Variants in DRC10 observed in about 807,000 individuals in gnomAD.
DRC10 encodes the protein dynein regulatory complex subunit 10.
the DRC10 span, chr12:113,200,805 C>T: frequency 6.5e-7 from 1 of 1,530,104 alleles, no homozygotes. Flanking sequence ...CAAAGTTCTC[C>T]TTTTCCACCT....
chr12:113,219,845 A>G, the DRC10 span, among the ~76,000 whole-genome samples: 15 of 151,718 alleles, frequency 9.9e-5, no homozygotes, highest in East Asian at 3.9e-4. Context: ...GTCTCGCTCT[A>G]TCACCCAGAC....
chr12:113,207,954 A>G, the DRC10 span: 6 of 1,614,198 alleles, frequency 3.7e-6, no homozygotes, highest in South Asian at 6.6e-5. Flanking sequence ...TGGATGCCAC[A>G]TACGACAGCA....
the DRC10 span, among the ~76,000 whole-genome samples, chr12:113,197,022 G>A: frequency 6.6e-6 from 1 of 152,192 alleles, no homozygotes; most frequent in African/African-American, 2.4e-5. Context: ...CTGGCTGAGT[G>A]ACTGAGTGAT....
chr12:113,215,778 G>C, the DRC10 span, among the ~76,000 whole-genome samples: 1 of 152,184 alleles, frequency 6.6e-6, no homozygotes, highest in South Asian at 2.1e-4. Context: ...AGTGAATTTA[G>C]ATTATTCTAT....
At chr12:113,203,225 G>A in the DRC10 span, 8 of 332,730 alleles carry the variant, frequency 2.4e-5, no homozygotes, top group Non-Finnish European at 4.2e-5. Flanking sequence ...GGGTTTTGCC[G>A]TGTTGCCCAG....
the DRC10 span, chr12:113,205,979 G>C: frequency 6.6e-6 from 1 of 151,704 alleles, no homozygotes; most frequent in Non-Finnish European, 1.5e-5. Flanking sequence ...CACTTTGGGG[G>C]GCAGAGGTGG....
chr12:113,200,415 C>T, the DRC10 span: 2 of 720,872 alleles, frequency 2.8e-6, no homozygotes, highest in African/African-American at 3.5e-5. Context: ...TGGATTTGGG[C>T]CTTCCCTGCT....
chr12:113,205,845 C>A, the DRC10 span, among the ~76,000 whole-genome samples: 1 of 142,692 alleles, frequency 7.0e-6, no homozygotes, highest in Non-Finnish European at 1.5e-5. Flanking sequence ...GCCGAGATTG[C>A]GCCACTGCAG....
the DRC10 span, among the ~76,000 whole-genome samples, chr12:113,217,946 C>T: frequency 2.0e-5 from 3 of 152,224 alleles, no homozygotes; most frequent in African/African-American, 7.2e-5. Flanking sequence ...GGCAACTTTG[C>T]CCTCCAGAAG....
At chr12:113,197,193 T>C in the DRC10 span, among the ~76,000 whole-genome samples, 10 of 135,860 alleles carry the variant, frequency 7.4e-5, no homozygotes, top group Non-Finnish European at 1.4e-4. Flanking sequence ...CCAGTCGCTT[T>C]TTTTTTTTTT....
the DRC10 span, among the ~76,000 whole-genome samples, chr12:113,219,405 C>A: frequency 5.9e-5 from 9 of 152,188 alleles, no homozygotes; most frequent in African/African-American, 2.2e-4. Context: ...TTCTGCTGTA[C>A]CTACCGGCAA....
chr12:113,208,314 G>A, the DRC10 span: 1 of 1,432,566 alleles, frequency 7.0e-7, no homozygotes, highest in South Asian at 1.5e-5. Context: ...TGTGTGGTTA[G>A]TGTGGCTGCA....
At chr12:113,209,988 T>G in the DRC10 span, among the ~76,000 whole-genome samples, 1 of 152,138 alleles carries the variant, frequency 6.6e-6, no homozygotes, top group African/African-American at 2.4e-5. Flanking sequence ...ATGCCAGGCA[T>G]GGTGGTACGC....
chr12:113,196,011 G>C, the DRC10 span: 183 of 1,391,322 alleles, frequency 1.3e-4, no homozygotes, highest in Non-Finnish European at 1.6e-4. Context: ...AAGCTAAGCT[G>C]TTCAGCATCT....
At chr12:113,200,541 GGGGCCCCCTC>G in the DRC10 span, 1 of 907,102 alleles carries the variant, frequency 1.1e-6, no homozygotes. Context: ...CCCCCCACCA[GGGGCCCCCTC>G]GGCCCATCCT....
chr12:113,202,888 C>G, the DRC10 span: 1 of 316,500 alleles, frequency 3.2e-6, no homozygotes, highest in Non-Finnish European at 6.6e-6. Flanking sequence ...TTGGGTGTCT[C>G]TGTTATAGCA....
chr12:113,207,402 T>C, the DRC10 span: 1 of 1,528,404 alleles, frequency 6.5e-7, no homozygotes, highest in Admixed American at 1.7e-5. Context: ...TTTGTGTGGC[T>C]TCTTCAGTAA....
At chr12:113,198,534 C>G in the DRC10 span, among the ~76,000 whole-genome samples, 8 of 152,126 alleles carry the variant, frequency 5.3e-5, no homozygotes, top group African/African-American at 1.9e-4. Flanking sequence ...CCAGACACAA[C>G]GGCCACAGAA....
At chr12:113,207,343 A>G in the DRC10 span, 3 of 1,037,456 alleles carry the variant, frequency 2.9e-6, no homozygotes, top group African/African-American at 4.7e-5. Flanking sequence ...GCGAGACTCC[A>G]TCTTAAAAAA....
Sources: allele counts gnomAD v4.1 joint callset (sites outside exome capture counted in the v4.1 genomes callset), GRCh38; gene constraint gnomAD v4.1.1; transcripts MANE v1.5; gene names NCBI Gene and HGNC (gene_info 2026-07-23, HGNC 2026-07-21).